Variants in OPA1 observed in about 807,000 individuals in gnomAD.
OPA1 encodes the protein OPA1 mitochondrial dynamin like GTPase.
Under a neutral mutation model 152.9 loss-of-function variants are expected in OPA1, and 59 were observed. That is an observed-to-expected ratio of 0.39 (90% CI 0.31 to 0.48). The LOEUF is 0.48. Among genes scored for constraint, OPA1 ranks in the 20% least tolerant of loss-of-function variants. The probability of loss-of-function intolerance (pLI) is 0.96; values close to 1 mark genes in which losing one functional copy is unlikely to be tolerated. For synonymous variants in OPA1, 400 were observed against 389.9 expected (o/e 1.03, Z -0.31); for missense variants, 1,008 against 1,216.8 (o/e 0.83, Z 2.55).
intron 29 of OPA1, among the ~76,000 whole-genome samples, chr3:193,672,146 CT>C (rs2109323252): frequency 6.6e-6 from 1 of 152,256 alleles, no homozygotes; most frequent in South Asian, 2.1e-4. Context: ...AATAGTATAA[CT>C]TTAGAATACT....
chr3:193,611,449 T>C (rs1577145478), intron 1 of OPA1, among the ~76,000 whole-genome samples: 1 of 151,878 alleles, frequency 6.6e-6, no homozygotes, highest in East Asian at 1.9e-4. Flanking sequence ...ATACACAGAT[T>C]AGCTGGGCAT....
intron 13 of OPA1, 102 bp downstream of exon 13, chr3:193,643,151 T>A: frequency 1.0e-6 from 1 of 984,180 alleles, no homozygotes; most frequent in Non-Finnish European, 1.6e-6. Context: ...TGCTGCTATC[T>A]AGATATGTAG....
intron 18 of OPA1, among the ~76,000 whole-genome samples, 180 bp downstream of exon 18, chr3:193,645,980 A>G (rs1210546620): frequency 1.3e-5 from 2 of 152,232 alleles, no homozygotes; most frequent in Non-Finnish European, 2.9e-5. Flanking sequence ...GGCAGAATTG[A>G]GAGCAGTTTA....
intron 1 of OPA1, among the ~76,000 whole-genome samples, chr3:193,604,209 C>T (rs1726880929): frequency 6.6e-6 from 1 of 152,150 alleles, no homozygotes; most frequent in Non-Finnish European, 1.5e-5. Flanking sequence ...CTATGTTTAG[C>T]ACCGTGTTCC....
rs916362205 is a variant in OPA1 at position 193,697,157 on chromosome 3, C to A, written c.*2557C>A. 7 of 152,102 alleles carry A rather than the reference C, an allele frequency of 4.6e-5. No individual in the cohort carries two copies. The highest frequency in any genetic ancestry group is 7.4e-5 in the Non-Finnish European group (5 of 68,016). The allele number at this position is 152,102 out of a possible 1,614,324, so 9.4% of individuals were successfully genotyped here. A position where few individuals can be genotyped will look rare whatever the true frequency, so the allele number is the denominator to read the frequency against. On this transcript the variant is annotated 3_prime_UTR_variant, in exon 31 of 31. Coordinates refer to ENST00000361510, the MANE Select transcript of OPA1 (RefSeq NM_130837.3). ...AGAGTATAGGTTTAAAAGATAAAAT[C>A]TTTAGTTAATAATTTTGTATTTATT... is the stretch of plus-strand genomic sequence containing the variant.
Position 193,597,959 on chromosome 3 carries a change from G to T in OPA1, c.32+4550G>T, listed in dbSNP as rs73067630. ...CTGGGCATGCTGGCACACACCTCTAGTCCCAGCTATTTATGAAGCTGAGGC... is the reference window on the plus strand; with the variant it reads ...CTGGGCATGCTGGCACACACCTCTATTCCCAGCTATTTATGAAGCTGAGGC... On this transcript the variant is annotated intron_variant, in intron 1 of 30. Transcript: ENST00000361510. Among the ~76,000 whole-genome samples the T allele has an allele frequency of 3.3e-3, 501 of 152,028 alleles. 2 individuals are homozygous for T. Among genetic ancestry groups the T allele is most frequent in the African/African-American group, 0.011 (467 of 41,484 alleles).
Position 193,685,280 on chromosome 3 carries a change from C to T in OPA1, c.2984-6783C>T, listed in dbSNP as rs572039203. Reference sequence around the variant, plus strand: ...TTGCGCCACTGCACTCCAGCCTGGACGACAGAGCGAGACTCCATCTCAAAA... The same window carrying T: ...TTGCGCCACTGCACTCCAGCCTGGATGACAGAGCGAGACTCCATCTCAAAA... On this transcript the variant is annotated intron_variant, in intron 29 of 30. Coordinates refer to ENST00000361510, the MANE Select transcript of OPA1 (RefSeq NM_130837.3). Among the ~76,000 whole-genome samples, 379 of 150,216 alleles carry T rather than the reference C, an allele frequency of 2.5e-3. 3 individuals carry two copies. The highest frequency in any genetic ancestry group is 3.9e-3 in the Non-Finnish European group (265 of 67,750).
At chr3:193,662,760 CT>C in intron 25 of OPA1, 61 bp from the exon 26 acceptor site, 1 of 1,375,474 alleles carries the variant, frequency 7.3e-7, no homozygotes, top group Non-Finnish European at 1.0e-6. Context: ...AAAATTGAGA[CT>C]GTTTTTCAAG....
intron 1 of OPA1, among the ~76,000 whole-genome samples, chr3:193,612,669 A>G (rs368747260): frequency 1.3e-5 from 2 of 152,184 alleles, no homozygotes; most frequent in East Asian, 1.9e-4. Context: ...TTTACTGAAA[A>G]TGCACATGTT....
At chr3:193,676,706 T>A (rs2935303) in intron 29 of OPA1, among the ~76,000 whole-genome samples, 7 of 151,510 alleles carry the variant, frequency 4.6e-5, no homozygotes, top group African/African-American at 1.5e-4. Flanking sequence ...TGTGGCCGGG[T>A]GTGGTGGCTC....
chr3:193,659,591 A>C, intron 25 of OPA1, 30 bp downstream of exon 25: 1 of 1,566,854 alleles, frequency 6.4e-7, no homozygotes, highest in Middle Eastern at 1.7e-4. Flanking sequence ...TAGTCTTATG[A>C]TGATATAATT....
At chr3:193,688,968 C>T (rs1370448198) in intron 29 of OPA1, 1 of 152,168 alleles carries the variant, frequency 6.6e-6, no homozygotes, top group African/African-American at 2.4e-5. Context: ...GGTGACAGTG[C>T]AAGACTCTGC....
chr3:193,655,300 A>G (rs983385223), intron 22 of OPA1, among the ~76,000 whole-genome samples: 5 of 152,216 alleles, frequency 3.3e-5, no homozygotes, highest in African/African-American at 4.8e-5. Flanking sequence ...TTGCTTGAAT[A>G]TGAAATATTT....
chr3:193,593,353 C>T lies in OPA1; in HGVS notation c.-25C>T, dbSNP rs1265629081. 1 of 1,542,870 alleles carries T rather than the reference C, an allele frequency of 6.5e-7. No individual in the cohort carries two copies. The highest frequency in any genetic ancestry group is 1.2e-5 in the South Asian group (1 of 83,156). Reference sequence around the variant, plus strand: ...GGGCTCCCGCGTGGCCGTCTCGGCGCCTGCGTGACCTCCCCGCCGGCGGGA... The same window carrying T: ...GGGCTCCCGCGTGGCCGTCTCGGCGTCTGCGTGACCTCCCCGCCGGCGGGA... On this transcript the variant is annotated 5_prime_UTR_variant, in exon 1 of 31. Coordinates refer to ENST00000361510, the MANE Select transcript of OPA1 (RefSeq NM_130837.3).
chr3:193,662,944 A>G lies in OPA1; in HGVS notation c.2643A>G (p.Val881=). 1 of 1,613,680 alleles carries G rather than the reference A, an allele frequency of 6.2e-7. No homozygotes were observed. The highest frequency in any genetic ancestry group is 8.5e-7 in the Non-Finnish European group (1 of 1,179,626). ...GGAAGAACCTTGAATCCCGAGGAGT[A>G]GAAGTAGATCCAAGCTTGGTAATAA... ...TVRKNLESRG[V]EVDPSLIKDT... is the part of the protein sequence containing the mutation. Residue 881 remains valine, a synonymous_variant, in exon 26 of 31, where the codon GTA becomes GTG. Coordinates refer to ENST00000361510, the MANE Select transcript of OPA1 (RefSeq NM_130837.3).
chr3:193,695,089 A>T lies in OPA1; in HGVS notation c.*489A>T, dbSNP rs1326659815. On this transcript the variant is annotated 3_prime_UTR_variant, in exon 31 of 31. Coordinates refer to ENST00000361510, the MANE Select transcript of OPA1 (RefSeq NM_130837.3). ...TATGTGTCTGTAGTATTCTATTCCCAGAAACTATTTGACCATGATAATTCA... is the reference window on the plus strand; with the variant it reads ...TATGTGTCTGTAGTATTCTATTCCCTGAAACTATTTGACCATGATAATTCA... The T allele has an allele frequency of 6.6e-6, 1 of 152,240 alleles. No homozygotes were observed. Among genetic ancestry groups the T allele is most frequent in the African/African-American group, 2.4e-5 (1 of 41,466 alleles). 9.4% of individuals were successfully genotyped at this position (152,240 alleles called of 1,614,324 possible). A position where few individuals can be genotyped will look rare whatever the true frequency, so the allele number is the denominator to read the frequency against.
At chr3:193,660,241 C>T (rs763406216) in intron 25 of OPA1, among the ~76,000 whole-genome samples, 1 of 152,210 alleles carries the variant, frequency 6.6e-6, no homozygotes, top group Non-Finnish European at 1.5e-5. Context: ...ACCTCCACCC[C>T]TGTTCATTCC....
chr3:193,627,205 T>C (rs781030577), intron 7 of OPA1: 2 of 152,214 alleles, frequency 1.3e-5, no homozygotes, highest in Non-Finnish European at 2.9e-5. Context: ...CATTTGGTGG[T>C]GGTTAGTACT....
chr3:193,668,882 C>A (rs1381786875), intron 29 of OPA1: 2 of 1,046,758 alleles, frequency 1.9e-6, no homozygotes, highest in Admixed American at 4.9e-5. Flanking sequence ...TCAAGGAAAT[C>A]AGTGAAACAT....
Sources: allele counts gnomAD v4.1 joint callset (sites outside exome capture counted in the v4.1 genomes callset), GRCh38; gene constraint gnomAD v4.1.1; transcripts MANE v1.5; gene names NCBI Gene and HGNC (gene_info 2026-07-23, HGNC 2026-07-21).